Variants in DMTF1 observed in about 807,000 individuals in gnomAD.
DMTF1 encodes cyclin-D-binding Myb-like transcription factor 1.
Under a neutral mutation model 91.1 loss-of-function variants are expected in DMTF1, and 39 were observed. The ratio of observed to expected loss-of-function variants is 0.43; its 90% CI spans 0.33 to 0.56. The LOEUF is 0.56. DMTF1 is among the 20% of genes least tolerant of loss of function. The pLI, the probability that DMTF1 is intolerant of heterozygous loss-of-function variation, is 0.05. For synonymous variants in DMTF1, 338 were observed against 309.5 expected (o/e 1.09, Z -0.97); for missense variants, 750 against 914.5 (o/e 0.82, Z 2.32).
intron 11 of DMTF1, chr7:87,185,130 T>C (rs930913790): frequency 1.3e-5 from 3 of 228,296 alleles, no homozygotes; most frequent in African/African-American, 4.6e-5. Context: ...CTTTAAGATA[T>C]CATAATCCCA....
At chr7:87,165,115 C>A in intron 3 of DMTF1, 65 bp downstream of exon 3, 1 of 1,171,692 alleles carries the variant, frequency 8.5e-7, no homozygotes, top group Non-Finnish European at 1.2e-6. Flanking sequence ...TCACTTTTGA[C>A]CCCTATTGCC....
chr7:87,194,906 GTCTTT>G, intron 17 of DMTF1, 78 bp downstream of exon 17: 1 of 1,502,130 alleles, frequency 6.7e-7, no homozygotes, highest in Non-Finnish European at 9.1e-7. Flanking sequence ...ACTTGTTTCA[GTCTTT>G]CTTGATCCAA....
At chr7:87,173,486 T>A (rs1165933173) in intron 5 of DMTF1, 49 bp from the exon 6 acceptor site, 5 of 1,300,886 alleles carry the variant, frequency 3.8e-6, no homozygotes, top group Non-Finnish European at 5.4e-6. Context: ...CAAGCTGCCA[T>A]TTTTTTGTTT....
intron 5 of DMTF1, among the ~76,000 whole-genome samples, chr7:87,172,289 A>C (rs2129100789): frequency 6.6e-6 from 1 of 152,346 alleles, no homozygotes; most frequent in South Asian, 2.1e-4. Flanking sequence ...AAAATCAAAA[A>C]GTATGACATG....
At position 87,170,913 on chromosome 7, in the gene DMTF1, TG is replaced by T. The variant is rs1295833386; in HGVS notation, c.233-81del. On this transcript the variant is annotated intron_variant, in intron 4 of 17. Coordinates refer to ENST00000331242, the MANE Select transcript of DMTF1 (RefSeq NM_001142327.2). ...AGTGTGTTAGGAAATTAGATGATCA[TG>T]TTTTTTTTCCCATGGATATTTTTAG... 6.8e-6 allele frequency: 6 copies of T among 876,994 alleles called. No homozygotes were observed. In the African/African-American group the frequency reaches 8.5e-5, roughly 12 times the overall value. The allele number at this position is 876,994 out of a possible 1,614,324, so 54.3% of individuals were successfully genotyped here.
At chr7:87,182,483 G>T in intron 10 of DMTF1, 146 bp downstream of exon 10, 1 of 722,680 alleles carries the variant, frequency 1.4e-6, no homozygotes, top group Non-Finnish European at 2.3e-6. Flanking sequence ...TTTTCCTTGA[G>T]CTTATTAGAT....
At chr7:87,158,200 C>A (rs1016995314) in intron 1 of DMTF1, among the ~76,000 whole-genome samples, 2 of 151,982 alleles carry the variant, frequency 1.3e-5, no homozygotes. Context: ...TATCCCAAGT[C>A]CTTATTGTAT....
chr7:87,184,964 A>G (rs1798097627), intron 11 of DMTF1: 1 of 468,734 alleles, frequency 2.1e-6, no homozygotes, highest in Non-Finnish European at 4.2e-6. Context: ...GCCTAGGGGG[A>G]ACACGTTTAG....
chr7:87,175,954 C>CT (rs1796168801), intron 7 of DMTF1, among the ~76,000 whole-genome samples: 1 of 151,728 alleles, frequency 6.6e-6, no homozygotes, highest in Non-Finnish European at 1.5e-5. Flanking sequence ...TCAAGGAAAT[C>CT]TTTCTAGAGA....
chr7:87,171,037 C>T lies in DMTF1; in HGVS notation c.275C>T (p.Thr92Ile), dbSNP rs981608681. The T allele has an allele frequency of 1.2e-6, 2 of 1,612,380 alleles. No individual in the cohort carries two copies. The highest frequency in any genetic ancestry group is 1.7e-6 in the Non-Finnish European group (2 of 1,178,792). ...DQSFEVTMTA[T>I]TEVADDEVTE... ...AGCTTTGAAGTGACCATGACTGCAA[C>T]CACAGAAGTAGCAGATGATGAGGTT... is the stretch of plus-strand genomic sequence containing the variant. Residue 92 changes from threonine to isoleucine, a missense_variant, in exon 5 of 18, where the codon ACC becomes ATC. Thr to Ile is a moderately conservative substitution (Grantham distance 89, BLOSUM62 -1). Coordinates refer to ENST00000331242, the MANE Select transcript of DMTF1 (RefSeq NM_001142327.2).
chr7:87,174,210 GT>G (rs1309718685), intron 6 of DMTF1, among the ~76,000 whole-genome samples: 3 of 152,112 alleles, frequency 2.0e-5, no homozygotes, highest in Non-Finnish European at 4.4e-5. Flanking sequence ...TTGCCCTAGA[GT>G]TTTTTGTATG....
intron 5 of DMTF1, 42 bp downstream of exon 5, chr7:87,171,131 T>C (rs368198198): frequency 2.3e-6 from 3 of 1,311,984 alleles, no homozygotes; most frequent in African/African-American, 3.0e-5. Context: ...GATGATCCTT[T>C]ACACATTGCT....
chr7:87,162,296 C>G (rs189736770), intron 1 of DMTF1, among the ~76,000 whole-genome samples: 1 of 152,112 alleles, frequency 6.6e-6, no homozygotes, highest in East Asian at 1.9e-4. Flanking sequence ...GTCTCAAACT[C>G]CTGAGGTTAA....
intron 7 of DMTF1, among the ~76,000 whole-genome samples, chr7:87,175,155 G>C (rs575458592): frequency 1.8e-4 from 27 of 151,800 alleles, no homozygotes; most frequent in African/African-American, 6.3e-4. Flanking sequence ...TGAGTAGCTG[G>C]GATTACAGGC....
At chr7:87,166,707 T>G in intron 4 of DMTF1, 102 bp downstream of exon 4, 1 of 1,165,614 alleles carries the variant, frequency 8.6e-7, no homozygotes, top group Non-Finnish European at 1.2e-6. Flanking sequence ...GACTTACTGC[T>G]TTTTTCTTCA....
chr7:87,194,948 C>T (rs777160689), intron 17 of DMTF1, 83 bp from the exon 18 acceptor site: 40 of 1,446,408 alleles, frequency 2.8e-5, no homozygotes, highest in Non-Finnish European at 3.5e-5. Context: ...TTGAGTTCTA[C>T]ACTGTGGTAG....
chr7:87,156,084 A>G (rs1435428478), intron 1 of DMTF1, among the ~76,000 whole-genome samples: 2 of 152,186 alleles, frequency 1.3e-5, no homozygotes, highest in African/African-American at 4.8e-5. Context: ...GTATATGTCC[A>G]TGTAAAGAGC....
intron 13 of DMTF1, 79 bp downstream of exon 13, chr7:87,188,380 T>C: frequency 6.8e-7 from 1 of 1,466,126 alleles, no homozygotes; most frequent in Non-Finnish European, 9.5e-7. Flanking sequence ...TTTGGTTTTC[T>C]AGAATGTTAA....
At chr7:87,167,290 T>C (rs944410517) in intron 4 of DMTF1, among the ~76,000 whole-genome samples, 2 of 152,178 alleles carry the variant, frequency 1.3e-5, no homozygotes, top group African/African-American at 2.4e-5. Flanking sequence ...CTGGCTTCTA[T>C]AGGAGGTACA....
Sources: gnomAD v4.1 joint callset for allele counts (sites outside exome capture counted in the v4.1 genomes callset) on GRCh38, gnomAD v4.1.1 for gene constraint, MANE v1.5 for transcripts, NCBI Gene and HGNC (gene_info 2026-07-23, HGNC 2026-07-21) for gene names.